BBX: variants seen among roughly 807,000 people sequenced by gnomAD.
BBX encodes the protein HMG box transcription factor BBX.
BBX carries 30 observed loss-of-function variants against 100.2 expected under a neutral mutation model. The observed-to-expected ratio is 0.30, with a 90% CI of 0.22 to 0.41. The LOEUF is 0.41. Among genes scored for constraint, BBX ranks in the 10% least tolerant of loss-of-function variants. The probability of loss-of-function intolerance (pLI) is 1.00; values close to 1 mark genes in which losing one functional copy is unlikely to be tolerated. For synonymous variants in BBX, 376 were observed against 388.1 expected, an observed-to-expected ratio of 0.97 and a Z score of 0.37; for missense variants, 1,023 against 1,129.8, an observed-to-expected ratio of 0.91 and a Z score of 1.35.
chr3:107,743,918 G>GTTTTTTTTTTTTTTTTTTTTTTT (rs34762783), intron 7 of BBX, among the ~76,000 whole-genome samples: 1 of 56,622 alleles, frequency 1.8e-5, no homozygotes, highest in Non-Finnish European at 3.1e-5. Flanking sequence ...TGTTTTAGTG[G>GTTTTTTTTTTTTTTTTTTTTTTT]TTTTTTTTTT....
intron 3 of BBX, among the ~76,000 whole-genome samples, chr3:107,665,456 C>A (rs1208460219): frequency 6.6e-6 from 1 of 152,120 alleles, no homozygotes; most frequent in Non-Finnish European, 1.5e-5. Context: ...CGCTTTGTCA[C>A]TGTCTGAGCA....
At chr3:107,653,165 G>C (rs1285071618) in intron 3 of BBX, among the ~76,000 whole-genome samples, 2 of 152,160 alleles carry the variant, frequency 1.3e-5, no homozygotes, top group Non-Finnish European at 2.9e-5. Flanking sequence ...GTGCCTTCAA[G>C]TTTGCCATTA....
intron 6 of BBX, among the ~76,000 whole-genome samples, 184 bp from the exon 7 acceptor site, chr3:107,732,772 A>G (rs560681598): frequency 4.6e-5 from 7 of 152,364 alleles, no homozygotes; most frequent in Non-Finnish European, 8.8e-5. Flanking sequence ...CTCACAAAGT[A>G]TGAGCACTAA....
intron 3 of BBX, among the ~76,000 whole-genome samples, chr3:107,689,588 A>G (rs140473425): frequency 2.4e-3 from 363 of 152,320 alleles, no homozygotes; most frequent in Admixed American, 5.2e-3. Context: ...TACAAAGTGA[A>G]GAAAAGTACA....
At chr3:107,550,433 C>T (rs1014141464) in intron 2 of BBX, among the ~76,000 whole-genome samples, 1 of 151,982 alleles carries the variant, frequency 6.6e-6, no homozygotes, top group Non-Finnish European at 1.5e-5. Flanking sequence ...TCCCCCTGAG[C>T]GTGGGGAGAT....
intron 2 of BBX, among the ~76,000 whole-genome samples, chr3:107,571,319 A>G (rs1427597329): frequency 6.6e-6 from 1 of 152,164 alleles, no homozygotes; most frequent in Non-Finnish European, 1.5e-5. Flanking sequence ...CACGGTGATC[A>G]GACACCAATG....
chr3:107,590,034 A>G (rs1357130843), intron 2 of BBX, among the ~76,000 whole-genome samples: 1 of 152,164 alleles, frequency 6.6e-6, no homozygotes, highest in African/African-American at 2.4e-5. Context: ...GTGACATCAC[A>G]TGTGTAACAT....
chr3:107,594,021 C>T (rs909559908), intron 2 of BBX, among the ~76,000 whole-genome samples: 6 of 152,118 alleles, frequency 3.9e-5, no homozygotes, highest in Non-Finnish European at 7.4e-5. Flanking sequence ...GTGCTTGTAT[C>T]AGGTCATCAA....
rs2067008156 is a variant in BBX, at chr3:107,772,763, A to T, written c.1042A>T (p.Thr348Ser). Reference sequence around the variant, plus strand: ...AATTAAAATGGAGAAAACAGATGAAACTAGGTTACAGAAGGAAGCAGAATT... The same window carrying T: ...AATTAAAATGGAGAAAACAGATGAATCTAGGTTACAGAAGGAAGCAGAATT... ...KEIKMEKTDETRLQKEAEFEK... is the reference protein window; with the variant it reads ...KEIKMEKTDESRLQKEAEFEK... The change falls in exon 11 of 18, where the codon ACT becomes TCT. Residue 348 changes from threonine to serine, a missense_variant. Thr to Ser is a moderately conservative substitution (Grantham distance 58). Transcript: ENST00000325805. 1 of 1,613,138 alleles carries T rather than the reference A, an allele frequency of 6.2e-7. No homozygotes were observed. The highest frequency in any genetic ancestry group is 1.3e-5 in the African/African-American group (1 of 74,810).
chr3:107,662,056 C>A, intron 3 of BBX: 1 of 264,152 alleles, frequency 3.8e-6, no homozygotes, highest in Non-Finnish European at 5.9e-6. Flanking sequence ...AATTTGTAAA[C>A]TCTTGTCAGT....
At position 107,600,658 on chromosome 3, in the gene BBX, C is replaced by T. The variant is rs889496183; in HGVS notation, c.-83-45178C>T. ...AAGCTATTACAAATTCTTGAGAGTG[C>T]GCCATTTAAATTTCGTTTCTTCTCA... is the stretch of plus-strand genomic sequence containing the variant. On this transcript the variant is annotated intron_variant, in intron 2 of 17. Transcript: ENST00000325805. Among the ~76,000 whole-genome samples the T allele has an allele frequency of 6.6e-5, 10 of 152,152 alleles. No individual in the cohort carries two copies. The South Asian group carries it at 1.0e-3, about 16-fold the overall frequency.
At chr3:107,554,605 T>A (rs2049947360) in intron 2 of BBX, among the ~76,000 whole-genome samples, 1 of 152,240 alleles carries the variant, frequency 6.6e-6, no homozygotes, top group African/African-American at 2.4e-5. Context: ...TTTTTTATTC[T>A]TTAATTTATT....
chr3:107,775,033 G>A (rs1029248089), intron 12 of BBX, among the ~76,000 whole-genome samples, 176 bp downstream of exon 12: 1 of 152,126 alleles, frequency 6.6e-6, no homozygotes, highest in African/African-American at 2.4e-5. Context: ...CATCATTCCT[G>A]CTGTTAACAT....
At chr3:107,590,136 AC>A (rs2053195479) in intron 2 of BBX, among the ~76,000 whole-genome samples, 1 of 152,122 alleles carries the variant, frequency 6.6e-6, no homozygotes, top group African/African-American at 2.4e-5. Flanking sequence ...ATTTCGTGGG[AC>A]CTTTGTCAGT....
intron 2 of BBX, among the ~76,000 whole-genome samples, chr3:107,581,119 C>G (rs2052245824): frequency 6.6e-6 from 1 of 152,182 alleles, no homozygotes; most frequent in East Asian, 1.9e-4. Context: ...TTGTATTTAA[C>G]TAGGAGCAAA....
At chr3:107,799,336 C>A (rs1432022262) in intron 16 of BBX, among the ~76,000 whole-genome samples, 1 of 152,146 alleles carries the variant, frequency 6.6e-6, no homozygotes, top group Admixed American at 6.5e-5. Flanking sequence ...CAGCAAATGA[C>A]TGTAAGCAAC....
chr3:107,633,756 T>A (rs978444836), intron 2 of BBX, among the ~76,000 whole-genome samples: 1 of 152,220 alleles, frequency 6.6e-6, no homozygotes, highest in African/African-American at 2.4e-5. Context: ...GCTTATTGAT[T>A]TCAGTTTTAA....
intron 3 of BBX, among the ~76,000 whole-genome samples, chr3:107,702,586 T>C (rs1163208457): frequency 6.6e-6 from 1 of 152,194 alleles, no homozygotes; most frequent in African/African-American, 2.4e-5. Flanking sequence ...ATCTTTGCTC[T>C]GACAGATCCA....
At chr3:107,590,939 T>C (rs568780619) in intron 2 of BBX, among the ~76,000 whole-genome samples, 1 of 152,370 alleles carries the variant, frequency 6.6e-6, no homozygotes, top group South Asian at 2.1e-4. Context: ...GTGGTCCCAG[T>C]GGAAGTCAGT....
Sources: gnomAD v4.1 joint callset for allele counts (sites outside exome capture counted in the v4.1 genomes callset) on GRCh38, gnomAD v4.1.1 for gene constraint, MANE v1.5 for transcripts, NCBI Gene and HGNC (gene_info 2026-07-23, HGNC 2026-07-21) for gene names.